PNPT1: variants seen among roughly 807,000 people sequenced by gnomAD.
PNPT1 encodes the protein polyribonucleotide nucleotidyltransferase 1.
In PNPT1, 53 loss-of-function variants were observed where a neutral mutation model predicts 119.5. The observed-to-expected ratio is 0.44, with a 90% CI of 0.36 to 0.56. The LOEUF (loss-of-function observed/expected upper bound fraction) is 0.56, where lower values mean the gene tolerates loss of function less well. Ranked by LOEUF, PNPT1 falls within the 20% of genes least tolerant of loss-of-function variation. The probability of loss-of-function intolerance (pLI) is 0.00; values close to 1 mark genes in which losing one functional copy is unlikely to be tolerated. For missense variants in PNPT1, 948 were observed against 938.5 expected, an observed-to-expected ratio of 1.01 and a Z score of -0.13; for synonymous variants, 357 against 322.1, an observed-to-expected ratio of 1.11 and a Z score of -1.16.
chr2:55,659,538 T>C (rs970144389), intron 15 of PNPT1, among the ~76,000 whole-genome samples: 1 of 151,804 alleles, frequency 6.6e-6, no homozygotes. Context: ...TTTTTTAACC[T>C]AAAACGATAT....
At chr2:55,650,748 C>T (rs1317037764) in intron 18 of PNPT1, among the ~76,000 whole-genome samples, 4 of 148,482 alleles carry the variant, frequency 2.7e-5, no homozygotes, top group African/African-American at 7.5e-5. Flanking sequence ...ACCCTCCGCC[C>T]GGCAACCGCC....
At chr2:55,667,352 T>A (rs1236939353) in intron 12 of PNPT1, among the ~76,000 whole-genome samples, 1 of 152,138 alleles carries the variant, frequency 6.6e-6, no homozygotes, top group Non-Finnish European at 1.5e-5. Flanking sequence ...TCCAGCACTT[T>A]TGGAGTCCGA....
chr2:55,672,059 A>G lies in PNPT1; in HGVS notation c.867-13T>C, dbSNP rs1243421919. 6.4e-7 allele frequency: 1 copy of G among 1,571,386 alleles called. No homozygotes were observed. The highest frequency in any genetic ancestry group is 1.2e-5 in the South Asian group (1 of 84,506). ...CTCCATAGCAAGTCTATTTAAGCAG[A>G]AAATAAATGTTAGCATAATAATATC... is the stretch of plus-strand genomic sequence containing the variant. On this transcript the variant is annotated splice_polypyrimidine_tract_variant and intron_variant, in intron 9 of 27. Coordinates refer to ENST00000447944, the MANE Select transcript of PNPT1 (RefSeq NM_033109.5).
chr2:55,649,635 A>G (rs1244404278), intron 18 of PNPT1, among the ~76,000 whole-genome samples: 5 of 152,184 alleles, frequency 3.3e-5, no homozygotes, highest in Non-Finnish European at 7.3e-5. Context: ...TTAAGCTGGG[A>G]AAAACTGTTT....
chr2:55,674,568 G>A (rs1196051741), intron 8 of PNPT1, among the ~76,000 whole-genome samples: 2 of 152,116 alleles, frequency 1.3e-5, no homozygotes, highest in Non-Finnish European at 2.9e-5. Flanking sequence ...ACTCTAGCCT[G>A]GGCGACAGAA....
chr2:55,677,622 AGAT>A (rs1376520597), intron 8 of PNPT1, among the ~76,000 whole-genome samples: 1 of 148,410 alleles, frequency 6.7e-6, no homozygotes, highest in African/African-American at 2.5e-5. Flanking sequence ...AAAAAAAAAA[AGAT>A]TATTAGTTCA....
intron 13 of PNPT1, among the ~76,000 whole-genome samples, chr2:55,664,267 A>C (rs1488495983): frequency 6.6e-6 from 1 of 152,202 alleles, no homozygotes; most frequent in Non-Finnish European, 1.5e-5. Context: ...AATGCACCTA[A>C]ATGGTTGCGA....
chr2:55,691,178 G>C (rs1213290318), intron 1 of PNPT1, among the ~76,000 whole-genome samples: 1 of 152,174 alleles, frequency 6.6e-6, no homozygotes, highest in Admixed American at 6.5e-5. Flanking sequence ...TACTAACGGG[G>C]CTACTGCCTT....
At chr2:55,685,706 T>G (rs1409299463) in intron 3 of PNPT1, among the ~76,000 whole-genome samples, 3 of 152,246 alleles carry the variant, frequency 2.0e-5, no homozygotes, top group East Asian at 3.9e-4. Context: ...CATGAGCTCA[T>G]TACTAAATAT....
intron 7 of PNPT1, among the ~76,000 whole-genome samples, chr2:55,680,310 T>G (rs907062202): frequency 6.6e-6 from 1 of 152,136 alleles, no homozygotes; most frequent in Non-Finnish European, 1.5e-5. Context: ...CCTAGGACAC[T>G]TGATAATTAT....
chr2:55,684,743 G>C (rs1181765845), intron 4 of PNPT1, among the ~76,000 whole-genome samples, 200 bp downstream of exon 4: 1 of 152,200 alleles, frequency 6.6e-6, no homozygotes, highest in East Asian at 1.9e-4. Context: ...CAGGTACTAG[G>C]GATTCAACCC....
chr2:55,663,895 A>G (rs1399097261), intron 13 of PNPT1, among the ~76,000 whole-genome samples: 1 of 152,128 alleles, frequency 6.6e-6, no homozygotes, highest in Non-Finnish European at 1.5e-5. Flanking sequence ...AGGCAGGAGA[A>G]TGGCAGGGGC....
At chr2:55,670,497 T>C (rs895456774) in intron 11 of PNPT1, among the ~76,000 whole-genome samples, 3 of 152,210 alleles carry the variant, frequency 2.0e-5, no homozygotes, top group East Asian at 1.9e-4. Flanking sequence ...GAGGTTGATA[T>C]TATACAGTAA....
intron 18 of PNPT1, among the ~76,000 whole-genome samples, chr2:55,651,922 T>C (rs1280244084): frequency 1.4e-5 from 2 of 144,714 alleles, no homozygotes; most frequent in Non-Finnish European, 3.0e-5. Context: ...CTTCAACATA[T>C]GGTTCTACTT....
chr2:55,683,228 CA>C (rs1697301744), intron 5 of PNPT1, among the ~76,000 whole-genome samples: 2 of 152,160 alleles, frequency 1.3e-5, no homozygotes, highest in Admixed American at 1.3e-4. Context: ...TCTGGGCTTT[CA>C]ATGCTTCCCT....
chr2:55,684,504 T>C (rs1046733518), intron 4 of PNPT1, among the ~76,000 whole-genome samples: 10 of 152,206 alleles, frequency 6.6e-5, no homozygotes, highest in Non-Finnish European at 1.2e-4. Flanking sequence ...ATAAATTACA[T>C]ATGATCCCAC....
intron 8 of PNPT1, among the ~76,000 whole-genome samples, chr2:55,678,170 G>C (rs1211611629): frequency 6.6e-6 from 1 of 152,120 alleles, no homozygotes; most frequent in African/African-American, 2.4e-5. Context: ...TTTACTAACA[G>C]CGAATAAACA....
intron 18 of PNPT1, among the ~76,000 whole-genome samples, chr2:55,648,361 G>C (rs185710514): frequency 2.0e-5 from 3 of 152,164 alleles, no homozygotes; most frequent in Non-Finnish European, 4.4e-5. Context: ...GTCACACACA[G>C]AAGTGCGATT....
At chr2:55,647,300 ATTTT>A (rs746281423) in intron 19 of PNPT1, 43 bp downstream of exon 19, 225 of 1,404,624 alleles carry the variant, frequency 1.6e-4, no homozygotes, top group Non-Finnish European at 2.0e-4. Flanking sequence ...TTATTTATTT[ATTTT>A]TAGTCTTCAT....
Sources: gnomAD v4.1 joint callset for allele counts (sites outside exome capture counted in the v4.1 genomes callset) on GRCh38, gnomAD v4.1.1 for gene constraint, MANE v1.5 for transcripts, NCBI Gene and HGNC (gene_info 2026-07-23, HGNC 2026-07-21) for gene names.